KDM2A: variants seen among roughly 807,000 people sequenced by gnomAD.
KDM2A encodes lysine-specific demethylase 2A.
Under a neutral mutation model 137.3 loss-of-function variants are expected in KDM2A, and 3 were observed. The ratio of observed to expected loss-of-function variants is 0.02; its 90% CI spans 0.01 to 0.06. KDM2A has a LOEUF of 0.06. Ranked by LOEUF, KDM2A falls within the 10% of genes least tolerant of loss-of-function variation. The probability of loss-of-function intolerance (pLI) is 1.00; values close to 1 mark genes in which losing one functional copy is unlikely to be tolerated. For synonymous variants in KDM2A, 512 were observed against 541.5 expected, an observed-to-expected ratio of 0.95 and a Z score of 0.76; for missense variants, 738 against 1,510.6, an observed-to-expected ratio of 0.49 and a Z score of 8.48.
chr11:67,200,868 A>T (rs1857602782), intron 5 of KDM2A, among the ~76,000 whole-genome samples: 1 of 152,042 alleles, frequency 6.6e-6, no homozygotes, highest in Non-Finnish European at 1.5e-5. Flanking sequence ...TGGATCAAGG[A>T]GTAATCTCAA....
Position 67,245,619 on chromosome 11 carries a change from G to A in KDM2A, c.1833+161G>A. ...TACCTTTTTTCCCCAGGTTTAGATA[G>A]AAGGTATCTAGTACTAAAAATCCGA... On this transcript the variant is annotated intron_variant, in intron 14 of 20. Transcript: ENST00000529006. The surrounding 1 kb of genome is among the most constrained non-coding windows in gnomAD (Gnocchi z 4.1). The A allele has an allele frequency of 2.7e-6, 2 of 752,590 alleles. No homozygotes were observed. Among genetic ancestry groups the A allele is most frequent in the Non-Finnish European group, 4.2e-6 (2 of 473,512 alleles). The allele number at this position is 752,590 out of a possible 1,614,324, so 46.6% of individuals were successfully genotyped here.
chr11:67,243,123 T>TTAAGCA, intron 13 of KDM2A, 31 bp downstream of exon 13: 1 of 1,511,730 alleles, frequency 6.6e-7, no homozygotes, highest in Non-Finnish European at 9.2e-7. Context: ...ATCTTTAGGC[T>TTAAGCA]GCTTAAGCCT....
At chr11:67,156,845 C>T (rs1487065998) in intron 2 of KDM2A, among the ~76,000 whole-genome samples, 6 of 151,698 alleles carry the variant, frequency 4.0e-5, no homozygotes, top group African/African-American at 7.3e-5. Context: ...GCCGAGATCG[C>T]GCCACTGCAC....
At chr11:67,124,830 T>C (rs1855682000) in intron 2 of KDM2A, among the ~76,000 whole-genome samples, 1 of 151,714 alleles carries the variant, frequency 6.6e-6, no homozygotes, top group African/African-American at 2.4e-5. Flanking sequence ...AGAGGACACA[T>C]CATCTATTTG....
intron 5 of KDM2A, among the ~76,000 whole-genome samples, chr11:67,182,926 G>A (rs1857122958): frequency 6.6e-6 from 1 of 152,158 alleles, no homozygotes. Flanking sequence ...ATTATCTTTT[G>A]TCCTCTGTAC....
intron 5 of KDM2A, chr11:67,196,770 G>C (rs1857493003): frequency 3.8e-6 from 1 of 261,056 alleles, no homozygotes; most frequent in Admixed American, 5.1e-5. Context: ...GATGAACAGA[G>C]TTATGGAGAT....
At chr11:67,195,417 A>G (rs1220471451) in intron 5 of KDM2A, among the ~76,000 whole-genome samples, 1 of 151,710 alleles carries the variant, frequency 6.6e-6, no homozygotes. Context: ...TAATACAGCA[A>G]TATTCTTCAA....
intron 15 of KDM2A, among the ~76,000 whole-genome samples, chr11:67,246,698 C>G (rs1231925451): frequency 6.6e-6 from 1 of 152,144 alleles, no homozygotes; most frequent in Non-Finnish European, 1.5e-5. Context: ...TGGAGAACCA[C>G]TGTTTCCTTG....
intron 4 of KDM2A, 65 bp downstream of exon 4, chr11:67,181,463 CAGT>C (rs895385136): frequency 1.2e-5 from 13 of 1,057,288 alleles, no homozygotes; most frequent in South Asian, 2.7e-5. Flanking sequence ...GGGCAATAAA[CAGT>C]GGTGGTATTG....
intron 1 of KDM2A, among the ~76,000 whole-genome samples, chr11:67,121,024 G>A (rs553130154): frequency 1.3e-5 from 2 of 151,958 alleles, no homozygotes; most frequent in Non-Finnish European, 2.9e-5. Context: ...CCAACATCTC[G>A]TTTCGTCTAG....
chr11:67,197,272 C>G (rs1469779787), intron 5 of KDM2A: 3 of 151,730 alleles, frequency 2.0e-5, no homozygotes, highest in Non-Finnish European at 4.4e-5. Flanking sequence ...TTCCTGGGCT[C>G]AAGCGATCCT....
intron 2 of KDM2A, among the ~76,000 whole-genome samples, chr11:67,129,958 ATTC>A (rs1457965598): frequency 1.3e-5 from 2 of 149,454 alleles, no homozygotes; most frequent in Non-Finnish European, 3.0e-5. Context: ...AAGCTCTCCT[ATTC>A]TTTTTTTTTT....
At position 67,128,062 on chromosome 11, in the gene KDM2A, C is replaced by T. The variant is rs577904914; in HGVS notation, c.42+6704C>T. Among the ~76,000 whole-genome samples the T allele has an allele frequency of 6.1e-5, 9 of 147,698 alleles. No homozygotes were observed. The East Asian group carries it at 1.8e-3, about 30-fold the overall frequency. ...CGGGGTCTTGCTCTGTTGCCCAGGC[C>T]GGAGTGCAATGGCACTACCACTGCA... On this transcript the variant is annotated intron_variant, in intron 2 of 20. Coordinates refer to ENST00000529006, the MANE Select transcript of KDM2A (RefSeq NM_012308.3).
At chr11:67,223,615 G>T (rs1428768113) in intron 10 of KDM2A, among the ~76,000 whole-genome samples, 1 of 151,946 alleles carries the variant, frequency 6.6e-6, no homozygotes, top group Non-Finnish European at 1.5e-5. Flanking sequence ...TTACTATGCT[G>T]CCCAGGCTCG....
At chr11:67,219,150 AGATTAAGTAACTT>A in intron 9 of KDM2A, 125 bp from the exon 10 acceptor site, 1 of 434,804 alleles carries the variant, frequency 2.3e-6, no homozygotes, top group East Asian at 3.6e-5. Flanking sequence ...AGGCTTTGAG[AGATTAAGTAACTT>A]GACAAACCAC....
At chr11:67,140,062 G>C (rs1445916040) in intron 2 of KDM2A, among the ~76,000 whole-genome samples, 1 of 151,944 alleles carries the variant, frequency 6.6e-6, no homozygotes, top group Non-Finnish European at 1.5e-5. Context: ...AATTGAGAGA[G>C]AATACCATGG....
At chr11:67,219,898 A>G (rs999333587) in intron 10 of KDM2A, among the ~76,000 whole-genome samples, 2 of 151,940 alleles carry the variant, frequency 1.3e-5, no homozygotes, top group Admixed American at 6.6e-5. Context: ...AGGGACTCCA[A>G]TTCTGTGAGG....
chr11:67,199,427 G>A (rs1041243729), intron 5 of KDM2A, among the ~76,000 whole-genome samples: 7 of 152,208 alleles, frequency 4.6e-5, no homozygotes, highest in African/African-American at 1.7e-4. Context: ...GAATGCAAAG[G>A]AAAGGTTCTT....
At chr11:67,123,857 A>T (rs1236278599) in intron 2 of KDM2A, among the ~76,000 whole-genome samples, 1 of 151,866 alleles carries the variant, frequency 6.6e-6, no homozygotes, top group East Asian at 1.9e-4. Context: ...TTGTATTTTT[A>T]GTAAAGACTG....
Sources: allele counts gnomAD v4.1 joint callset (sites outside exome capture counted in the v4.1 genomes callset), GRCh38; gene constraint gnomAD v4.1.1; non-coding constraint Gnocchi (gnomAD v3.1); transcripts MANE v1.5; gene names NCBI Gene and HGNC (gene_info 2026-07-23, HGNC 2026-07-21).